The following ST18 variants were observed in gnomAD, a reference collection of about 807,000 sequenced individuals.
The protein encoded by ST18 is ST18 C2H2C-type zinc finger transcription factor.
ST18 carries 50 observed loss-of-function variants against 110.0 expected under a neutral mutation model. The ratio of observed to expected loss-of-function variants is 0.45; its 90% CI spans 0.36 to 0.58. ST18 has a LOEUF of 0.58. ST18 is among the 20% of genes least tolerant of loss of function. ST18 has a pLI of 0.00. For synonymous variants in ST18, 461 were observed against 452.4 expected (o/e 1.02, Z -0.24); for missense variants, 1,306 against 1,280.1 (o/e 1.02, Z -0.31).
chr8:52,163,978 G>C lies in ST18; in HGVS notation c.1400+8C>G. 1 of 1,609,424 alleles carries C rather than the reference G, an allele frequency of 6.2e-7. No homozygotes were observed. Among genetic ancestry groups the C allele is most frequent in the Non-Finnish European group, 8.5e-7 (1 of 1,175,838 alleles). Reference sequence around the variant, plus strand: ...GAGAGCACTGAGAACATCGTTAGGGGTTCATACCTGTGGGCCTGGTCAGGA... The same window carrying C: ...GAGAGCACTGAGAACATCGTTAGGGCTTCATACCTGTGGGCCTGGTCAGGA... On this transcript the variant is annotated splice_region_variant and intron_variant, in intron 13 of 25. Transcript: ENST00000689386.
At chr8:52,350,792 C>T (rs1478670637) in intron 2 of ST18, among the ~76,000 whole-genome samples, 1 of 151,780 alleles carries the variant, frequency 6.6e-6, no homozygotes, top group Non-Finnish European at 1.5e-5. Context: ...CCAATCTTGG[C>T]TCACTGCAAC....
chr8:52,397,733 C>A (rs992313646), intron 2 of ST18, among the ~76,000 whole-genome samples: 3 of 152,094 alleles, frequency 2.0e-5, no homozygotes, highest in African/African-American at 7.2e-5. Flanking sequence ...CCTCTTTATA[C>A]CCTTGTCAAA....
chr8:52,205,741 T>C (rs1408371550), intron 8 of ST18, among the ~76,000 whole-genome samples: 2 of 152,102 alleles, frequency 1.3e-5, no homozygotes, highest in East Asian at 3.9e-4. Context: ...CTAATTTTCA[T>C]ATTTTTAGTA....
At chr8:52,147,152 A>T (rs1311737744) in intron 16 of ST18, among the ~76,000 whole-genome samples, 2 of 152,180 alleles carry the variant, frequency 1.3e-5, no homozygotes, top group African/African-American at 4.8e-5. Flanking sequence ...TTCTGTAAAG[A>T]GCATCAATCC....
chr8:52,279,001 T>G (rs1484324684), intron 2 of ST18, among the ~76,000 whole-genome samples: 2 of 152,124 alleles, frequency 1.3e-5, no homozygotes, highest in African/African-American at 4.8e-5. Flanking sequence ...TGCTCAGTCT[T>G]TTAAAAGACA....
intron 2 of ST18, among the ~76,000 whole-genome samples, chr8:52,380,130 A>G (rs1031669069): frequency 6.6e-6 from 1 of 152,220 alleles, no homozygotes; most frequent in African/African-American, 2.4e-5. Context: ...GAGAAAAGTC[A>G]TGACATTACA....
At chr8:52,349,334 C>T (rs1819210130) in intron 2 of ST18, among the ~76,000 whole-genome samples, 1 of 152,104 alleles carries the variant, frequency 6.6e-6, no homozygotes, top group African/African-American at 2.4e-5. Context: ...TAAGACATGC[C>T]TTTTTACCTT....
chr8:52,159,405 C>A (rs2060844331), intron 14 of ST18, among the ~76,000 whole-genome samples: 1 of 152,146 alleles, frequency 6.6e-6, no homozygotes, highest in African/African-American at 2.4e-5. Context: ...GCACTGGCAA[C>A]ATTTGTGGCA....
intron 2 of ST18, among the ~76,000 whole-genome samples, chr8:52,333,627 A>G (rs1810659908): frequency 6.6e-6 from 1 of 152,228 alleles, no homozygotes; most frequent in Non-Finnish European, 1.5e-5. Flanking sequence ...AGATAAAGGA[A>G]ACCTGAAAAT....
In ST18 at chr8:52,243,655, G is replaced by A. The variant is rs577686781; in HGVS notation, c.-464-13578C>T. 4.9e-4 allele frequency among the ~76,000 whole-genome samples: 74 copies of A among 152,242 alleles called. 1 individual carries two copies. The highest frequency in any genetic ancestry group is 3.5e-3 in the South Asian group (17 of 4,816). ...TATTATGAGCATTAAATTATATAAT[G>A]CATGTAAAGAACTTGACACCATGCC... is the stretch of plus-strand genomic sequence containing the variant. On this transcript the variant is annotated intron_variant, in intron 2 of 25. Transcript: ENST00000689386.
intron 8 of ST18, among the ~76,000 whole-genome samples, chr8:52,199,829 G>A (rs2077364599): frequency 6.6e-6 from 1 of 152,204 alleles, no homozygotes; most frequent in African/African-American, 2.4e-5. Context: ...GCCTCACACT[G>A]TTGTTTAGCT....
intron 2 of ST18, among the ~76,000 whole-genome samples, chr8:52,316,239 C>T (rs937547860): frequency 2.6e-5 from 4 of 152,142 alleles, no homozygotes; most frequent in African/African-American, 7.2e-5. Context: ...GAATGTGCCT[C>T]CCTTTAAGCA....
At chr8:52,187,669 G>A (rs1190552861) in intron 8 of ST18, among the ~76,000 whole-genome samples, 1 of 152,162 alleles carries the variant, frequency 6.6e-6, no homozygotes, top group African/African-American at 2.4e-5. Flanking sequence ...GAAAGGAAAG[G>A]CATTTTTCAT....
rs1170820957 is a variant in ST18, at chr8:52,158,962, A to G, written c.1742T>C (p.Leu581Pro). Reference protein sequence around the residue: ...HIAAAAAILNLSTRCREATDI... With the variant: ...HIAAAAAILNPSTRCREATDI... ...TGTGGCTTCCCTGCAGCGGGTGGAAAGGTTCAGGATGGCAGCAGCTGCTGC... is the reference window on the plus strand; with the variant it reads ...TGTGGCTTCCCTGCAGCGGGTGGAAGGGTTCAGGATGGCAGCAGCTGCTGC... Residue 581 changes from leucine (L) to proline (P), a missense_variant, in exon 15 of 26, where the codon CTT becomes CCT. By Grantham distance (98) the Leu-to-Pro change is moderately conservative. Transcript: ENST00000689386. The G allele has an allele frequency of 6.2e-7, 1 of 1,614,004 alleles. No individual in the cohort carries two copies.
At chr8:52,130,163 G>GAAAGAAAGAAAGAAAT (rs1554586162) in intron 22 of ST18, among the ~76,000 whole-genome samples, 1 of 144,240 alleles carries the variant, frequency 6.9e-6, no homozygotes, top group African/African-American at 2.7e-5. Flanking sequence ...AAGAAAGAAA[G>GAAAGAAAGAAAGAAAT]AAAAAGAAAA....
chr8:52,256,225 T>A (rs914648686), intron 2 of ST18, among the ~76,000 whole-genome samples: 1 of 152,252 alleles, frequency 6.6e-6, no homozygotes, highest in Non-Finnish European at 1.5e-5. Flanking sequence ...GCATGTGGGC[T>A]AATATCAGTT....
intron 2 of ST18, among the ~76,000 whole-genome samples, chr8:52,397,159 G>T (rs1057509005): frequency 6.6e-6 from 1 of 152,070 alleles, no homozygotes; most frequent in South Asian, 2.1e-4. Context: ...CTGTCTTTTT[G>T]ATAATAATCA....
At chr8:52,137,560 G>C in intron 17 of ST18, 77 bp from the exon 18 acceptor site, 2 of 1,458,090 alleles carry the variant, frequency 1.4e-6, no homozygotes, top group South Asian at 2.4e-5. Context: ...AGATTACGGA[G>C]GAGGTAGCTT....
chr8:52,228,453 C>T (rs2090251516), intron 3 of ST18, among the ~76,000 whole-genome samples: 1 of 152,154 alleles, frequency 6.6e-6, no homozygotes, highest in Non-Finnish European at 1.5e-5. Context: ...TTATTTTAAG[C>T]AACGTGTGTT....
Sources: allele counts gnomAD v4.1 joint callset (sites outside exome capture counted in the v4.1 genomes callset), GRCh38; gene constraint gnomAD v4.1.1; transcripts MANE v1.5; gene names NCBI Gene and HGNC (gene_info 2026-07-23, HGNC 2026-07-21).